The following MGST1 variants were observed in gnomAD, a reference collection of about 807,000 sequenced individuals.
The protein encoded by MGST1 is microsomal glutathione S-transferase 1, also known as glutathione S-transferase 12.
Under a neutral mutation model 8.9 loss-of-function variants are expected in MGST1, and 5 were observed. That is an observed-to-expected ratio of 0.56 (90% CI 0.29 to 1.19). The LOEUF is 1.19. Ranked by LOEUF, MGST1 falls within the 50% of genes most tolerant of loss-of-function variation. MGST1 has a pLI of 0.08. For missense variants in MGST1, 182 were observed against 187.4 expected, an observed-to-expected ratio of 0.97 and a Z score of 0.17; for synonymous variants, 54 against 67.8, an observed-to-expected ratio of 0.80 and a Z score of 1.00.
intron 4 of MGST1, among the ~76,000 whole-genome samples, chr12:16,529,791 A>G (rs1046317566): frequency 3.9e-5 from 6 of 152,228 alleles, no homozygotes; most frequent in Non-Finnish European, 7.4e-5. Context: ...TAAGTTAGAA[A>G]TCTATAATTG....
intron 4 of MGST1, among the ~76,000 whole-genome samples, chr12:16,579,635 T>C (rs1326360268): frequency 6.6e-6 from 1 of 152,214 alleles, no homozygotes; most frequent in African/African-American, 2.4e-5. Flanking sequence ...AGTTGAAGTC[T>C]TACTCAGTAG....
At chr12:16,533,664 G>A (rs1941736341) in intron 4 of MGST1, among the ~76,000 whole-genome samples, 1 of 151,734 alleles carries the variant, frequency 6.6e-6, no homozygotes, top group Non-Finnish European at 1.5e-5. Flanking sequence ...GCCATTATGT[G>A]CCAGATATTG....
At chr12:16,564,971 G>A (rs1479847401) in intron 4 of MGST1, among the ~76,000 whole-genome samples, 2 of 151,992 alleles carry the variant, frequency 1.3e-5, no homozygotes, top group Admixed American at 6.6e-5. Flanking sequence ...AAAAAAATTT[G>A]TAGAGATGGG....
intron 1 of MGST1, among the ~76,000 whole-genome samples, chr12:16,422,377 A>G (rs910181797): frequency 2.0e-5 from 3 of 152,136 alleles, no homozygotes; most frequent in African/African-American, 7.2e-5. Flanking sequence ...TTTCAGGGCC[A>G]CTTCTCAGTG....
Position 16,401,982 on chromosome 12 carries a change from A to G in MGST1, n.778+18378A>G, listed in dbSNP as rs771526269. ...GTTGAGGCAGTCATTCCAGCTCTTC[A>G]TGAACTCTCCAGGGAATTTGTCTTT... On this transcript the variant is annotated intron_variant and non_coding_transcript_variant, in intron 1 of 1. Coordinates refer to the MGST1 transcript ENST00000359720. This position sits in a 1 kb window ranked among gnomAD's most constrained non-coding sequence, Gnocchi z 4.3. 1.7e-4 allele frequency: 274 copies of G among 1,612,082 alleles called. No individual in the cohort carries two copies. The highest frequency in any genetic ancestry group is 2.2e-4 in the Non-Finnish European group (265 of 1,178,282).
chr12:16,447,093 C>T (rs1941086207), intron 4 of MGST1, among the ~76,000 whole-genome samples: 1 of 151,944 alleles, frequency 6.6e-6, no homozygotes, highest in South Asian at 2.1e-4. Flanking sequence ...TCACTTTCTC[C>T]AGACTTCTAA....
At chr12:16,484,261 A>G (rs889199700) in intron 4 of MGST1, among the ~76,000 whole-genome samples, 1 of 152,196 alleles carries the variant, frequency 6.6e-6, no homozygotes, top group African/African-American at 2.4e-5. Context: ...AACATGGTTC[A>G]GGAGCTAGAA....
intron 1 of MGST1, among the ~76,000 whole-genome samples, chr12:16,385,001 G>A (rs1333552297): frequency 6.6e-6 from 1 of 152,208 alleles, no homozygotes; most frequent in African/African-American, 2.4e-5. Flanking sequence ...AGAAGGAACA[G>A]GAGTTAGGTG....
intron 1 of MGST1, among the ~76,000 whole-genome samples, chr12:16,396,628 T>C (rs1000810040): frequency 7.9e-5 from 12 of 151,986 alleles, no homozygotes; most frequent in Non-Finnish European, 1.8e-4. Context: ...CAGTAACTCT[T>C]CTACACACCA....
intron 4 of MGST1, among the ~76,000 whole-genome samples, chr12:16,474,147 G>A (rs938087369): frequency 1.3e-5 from 2 of 152,178 alleles, no homozygotes; most frequent in African/African-American, 4.8e-5. Context: ...TGTAATACCA[G>A]TAAGCATCCA....
chr12:16,366,987 T>A (rs556567555), downstream of MGST1, among the ~76,000 whole-genome samples: 469 of 152,316 alleles, frequency 3.1e-3, 2 homozygotes, highest in South Asian at 6.8e-3. The surrounding 1 kb of genome is among the most constrained non-coding windows in gnomAD (Gnocchi z 4.0). Flanking sequence ...TATATAGATA[T>A]TGAATCTGTA....
downstream of MGST1, among the ~76,000 whole-genome samples, chr12:16,377,578 GC>G (rs1172913984): frequency 6.6e-6 from 1 of 152,010 alleles, no homozygotes; most frequent in Admixed American, 6.6e-5. Context: ...CCAAGTCTTT[GC>G]TTTGTGAATA....
chr12:16,478,832 TAA>T (rs1941344157), intron 4 of MGST1, among the ~76,000 whole-genome samples: 1 of 152,162 alleles, frequency 6.6e-6, no homozygotes, highest in Non-Finnish European at 1.5e-5. Flanking sequence ...TCACATAACA[TAA>T]AGTCATGTGA....
Position 16,376,150 on chromosome 12 carries a change from G to A in MGST1, c.250G>A (p.Ala84Thr), listed in dbSNP as rs1165514491. The A allele has an allele frequency of 2.3e-5, 29 of 1,268,278 alleles. No homozygotes were observed. The East Asian group carries it at 7.0e-4, about 31-fold the overall frequency. 78.6% of individuals were successfully genotyped at this position (1,268,278 alleles called of 1,614,324 possible). ...CAAACAAACCCTGAGCATTTATCTT[G>A]CCTCTTCTATATAAAGTTTAACTCG... Residue 84 changes from alanine (A) to threonine (T), a missense_variant, in exon 4 of 4, where the codon GCC becomes ACC. By Grantham distance (58) the Ala-to-Thr change is moderately conservative. Coordinates refer to the MGST1 transcript ENST00000535309.
At chr12:16,499,100 T>C (rs1210534580) in intron 4 of MGST1, among the ~76,000 whole-genome samples, 1 of 152,200 alleles carries the variant, frequency 6.6e-6, no homozygotes, top group African/African-American at 2.4e-5. Context: ...TTGAGGAATT[T>C]TATGGGACCC....
chr12:16,395,918 T>G (rs983168047), intron 1 of MGST1, among the ~76,000 whole-genome samples: 2 of 151,822 alleles, frequency 1.3e-5, no homozygotes, highest in African/African-American at 4.8e-5. Context: ...AACATGTACA[T>G]GCAAGTATCT....
At chr12:16,571,586 C>A (rs1942813544) in intron 4 of MGST1, among the ~76,000 whole-genome samples, 1 of 151,948 alleles carries the variant, frequency 6.6e-6, no homozygotes, top group Non-Finnish European at 1.5e-5. Context: ...TTATCTTTAT[C>A]AAAAATGTCC....
At position 16,547,933 on chromosome 12, in the gene MGST1, C is replaced by G. The variant is rs114113844; in HGVS notation, n.483-41595C>G. 9.2e-3 allele frequency among the ~76,000 whole-genome samples: 1,395 copies of G among 152,246 alleles called. 21 individuals carry two copies. Among genetic ancestry groups the G allele is most frequent in the African/African-American group, 0.031 (1,306 of 41,536 alleles). ...TTAAAAGGAAAACACTTTTGCATGG[C>G]ATGTTTTACTACAGATATAATTTTC... On this transcript the variant is annotated intron_variant and non_coding_transcript_variant, in intron 4 of 4. Coordinates refer to the MGST1 transcript ENST00000538857. This position sits in a 1 kb window ranked among gnomAD's most constrained non-coding sequence, Gnocchi z 4.6.
At chr12:16,459,911 T>A (rs986098590) in intron 4 of MGST1, among the ~76,000 whole-genome samples, 2 of 152,082 alleles carry the variant, frequency 1.3e-5, no homozygotes, top group African/African-American at 4.8e-5. Context: ...ATGACCCACA[T>A]AGAGATATGG....
Sources: gnomAD v4.1 joint callset for allele counts (sites outside exome capture counted in the v4.1 genomes callset) on GRCh38, gnomAD v4.1.1 for gene constraint, Gnocchi (gnomAD v3.1) non-coding constraint, MANE v1.5 for transcripts, NCBI Gene and HGNC (gene_info 2026-07-23, HGNC 2026-07-21) for gene names.